Variants in TAFA1 observed in about 807,000 individuals in gnomAD.
TAFA1 encodes chemokine-like protein TAFA-1.
TAFA1 carries 4 observed loss-of-function variants against 18.5 expected under a neutral mutation model. The observed-to-expected ratio is 0.22, with a 90% CI of 0.11 to 0.49. The LOEUF (loss-of-function observed/expected upper bound fraction) is 0.49. TAFA1 is among the 20% of genes least tolerant of loss of function. TAFA1 has a pLI of 0.98. For missense variants in TAFA1, 147 were observed against 169.0 expected, an observed-to-expected ratio of 0.87 and a Z score of 0.72; for synonymous variants, 56 against 55.2, an observed-to-expected ratio of 1.01 and a Z score of -0.06.
chr3:68,146,434 G>A (rs1395206463), intron 2 of TAFA1, among the ~76,000 whole-genome samples: 1 of 152,122 alleles, frequency 6.6e-6, no homozygotes, highest in African/African-American at 2.4e-5. Flanking sequence ...TCCTCTCCCA[G>A]CGTTCAGAGG....
At chr3:68,007,389 C>T (rs1356549581) in intron 2 of TAFA1, among the ~76,000 whole-genome samples, 1 of 152,106 alleles carries the variant, frequency 6.6e-6, no homozygotes, top group Non-Finnish European at 1.5e-5. Flanking sequence ...CTTTCTTCCT[C>T]TTAATGTTCA....
At chr3:68,291,433 G>A in intron 2 of TAFA1, among the ~76,000 whole-genome samples, 1 of 152,072 alleles carries the variant, frequency 6.6e-6, no homozygotes, top group African/African-American at 2.4e-5. Flanking sequence ...AAAACAAGGT[G>A]AGTAGTATTG....
chr3:68,080,373 T>A (rs1017435228), intron 2 of TAFA1, among the ~76,000 whole-genome samples: 1 of 152,166 alleles, frequency 6.6e-6, no homozygotes, highest in Admixed American at 6.5e-5. Context: ...TAGCTGGTTA[T>A]TTTGCTCGTT....
chr3:68,218,481 G>A (rs994745878), intron 2 of TAFA1, among the ~76,000 whole-genome samples: 20 of 151,982 alleles, frequency 1.3e-4, no homozygotes, highest in Non-Finnish European at 2.6e-4. Flanking sequence ...TCGATGGGGC[G>A]TCAGTCTCAC....
At chr3:68,144,343 G>A (rs555162242) in intron 2 of TAFA1, among the ~76,000 whole-genome samples, 4 of 152,228 alleles carry the variant, frequency 2.6e-5, no homozygotes, top group East Asian at 3.9e-4. Flanking sequence ...GAAGGTGGCC[G>A]TACTGAAGTA....
chr3:68,017,323 T>G (rs940156204), intron 2 of TAFA1, among the ~76,000 whole-genome samples: 4 of 152,238 alleles, frequency 2.6e-5, no homozygotes, highest in Non-Finnish European at 5.9e-5. Context: ...GGCAACACTT[T>G]TGACAGTTGC....
At chr3:68,172,378 A>G (rs975318453) in intron 2 of TAFA1, among the ~76,000 whole-genome samples, 11 of 152,190 alleles carry the variant, frequency 7.2e-5, no homozygotes, top group Admixed American at 2.0e-4. Context: ...AGGCTAAAAC[A>G]GAAAAAAGTG....
chr3:68,328,546 C>T (rs1179604508), intron 2 of TAFA1, among the ~76,000 whole-genome samples: 1 of 152,188 alleles, frequency 6.6e-6, no homozygotes, highest in Non-Finnish European at 1.5e-5. Flanking sequence ...ACAAACATTT[C>T]AACCTTGGTG....
intron 2 of TAFA1, among the ~76,000 whole-genome samples, chr3:68,306,607 C>T (rs1380979505): frequency 6.6e-6 from 1 of 152,182 alleles, no homozygotes; most frequent in East Asian, 1.9e-4. Flanking sequence ...GTCCCCTCCG[C>T]CTCCACCTCC....
intron 2 of TAFA1, among the ~76,000 whole-genome samples, chr3:68,075,749 TA>T (rs2064815745): frequency 6.6e-6 from 1 of 150,378 alleles, no homozygotes; most frequent in South Asian, 2.1e-4. Flanking sequence ...CAGGCTAGAG[TA>T]CAGTGGTACA....
chr3:68,541,474 C>T (rs2073373544), intron 4 of TAFA1, among the ~76,000 whole-genome samples: 1 of 152,088 alleles, frequency 6.6e-6, no homozygotes, highest in Non-Finnish European at 1.5e-5. Context: ...AATATGCTTA[C>T]TCACTTCAAA....
intron 2 of TAFA1, among the ~76,000 whole-genome samples, chr3:68,349,209 T>A (rs2069220244): frequency 6.6e-6 from 1 of 151,796 alleles, no homozygotes; most frequent in South Asian, 2.1e-4. Context: ...TTGGGGGGGT[T>A]TGGCTTGGAG....
chr3:68,175,847 G>T (rs936136554), intron 2 of TAFA1, among the ~76,000 whole-genome samples: 6 of 152,134 alleles, frequency 3.9e-5, no homozygotes, highest in African/African-American at 1.2e-4. Flanking sequence ...ATATGGCTTG[G>T]CTATGTCCCC....
intron 2 of TAFA1, among the ~76,000 whole-genome samples, chr3:68,226,118 T>C (rs2066797160): frequency 6.6e-6 from 1 of 152,202 alleles, no homozygotes; most frequent in Non-Finnish European, 1.5e-5. Flanking sequence ...TGGAAAAGTG[T>C]TGTGATTTTC....
chr3:68,093,591 A>T (rs1378889833), intron 2 of TAFA1, among the ~76,000 whole-genome samples: 1 of 151,972 alleles, frequency 6.6e-6, no homozygotes, highest in Non-Finnish European at 1.5e-5. Flanking sequence ...CTAATGGGTC[A>T]CTTTCTGTCT....
At chr3:68,444,131 C>T (rs2071434293) in intron 3 of TAFA1, among the ~76,000 whole-genome samples, 1 of 152,122 alleles carries the variant, frequency 6.6e-6, no homozygotes, top group South Asian at 2.1e-4. Context: ...GAGTGTCAGG[C>T]AGTGTGCCCA....
intron 2 of TAFA1, among the ~76,000 whole-genome samples, chr3:68,328,550 C>T (rs972169158): frequency 6.6e-6 from 1 of 152,132 alleles, no homozygotes; most frequent in Non-Finnish European, 1.5e-5. Context: ...ACATTTCAAC[C>T]TTGGTGGATT....
intron 2 of TAFA1, among the ~76,000 whole-genome samples, chr3:68,331,059 A>C (rs2068859121): frequency 6.6e-6 from 1 of 152,212 alleles, no homozygotes; most frequent in Non-Finnish European, 1.5e-5. Flanking sequence ...CAGCTGATGA[A>C]GTATAACCAA....
At chr3:68,437,462 G>A (rs2071284594) in intron 3 of TAFA1, among the ~76,000 whole-genome samples, 1 of 152,136 alleles carries the variant, frequency 6.6e-6, no homozygotes, top group Non-Finnish European at 1.5e-5. Context: ...TCTGAAGGCT[G>A]ACAAGCCTAA....
Sources: gnomAD v4.1 joint callset for allele counts (sites outside exome capture counted in the v4.1 genomes callset) on GRCh38, gnomAD v4.1.1 for gene constraint, MANE v1.5 for transcripts, NCBI Gene and HGNC (gene_info 2026-07-23, HGNC 2026-07-21) for gene names.